Variants in PANX1 observed in about 807,000 individuals in gnomAD.
PANX1 encodes pannexin 1, also known as pannexin-1.
In PANX1, 30 loss-of-function variants were observed where a neutral mutation model predicts 38.7. The observed-to-expected ratio is 0.78, with a 90% confidence interval of 0.58 to 1.05. The LOEUF (loss-of-function observed/expected upper bound fraction) is 1.05, where lower values mean the gene tolerates loss of function less well. Ranked by LOEUF, PANX1 falls within the 50% of genes least tolerant of loss-of-function variation. The pLI, the probability that PANX1 is intolerant of heterozygous loss-of-function variation, is 0.00. For missense variants in PANX1, 551 were observed against 517.2 expected (o/e 1.07, Z -0.63); for synonymous variants, 230 against 212.2 (o/e 1.08, Z -0.73).
intron 2 of PANX1, among the ~76,000 whole-genome samples, chr11:94,155,202 T>C (rs1197652954): frequency 2.0e-5 from 3 of 152,028 alleles, no homozygotes; most frequent in Non-Finnish European, 4.4e-5. Context: ...AATACAAAAA[T>C]TAGCTGGGTG....
At position 94,180,033 on chromosome 11, in the gene PANX1, A is replaced by G. The variant is rs376071442; in HGVS notation, c.977A>G (p.Asn326Ser). 201 of 1,607,042 alleles carry G rather than the reference A, an allele frequency of 1.3e-4. No homozygotes were observed. Among genetic ancestry groups the G allele is most frequent in the Non-Finnish European group, 1.6e-4 (187 of 1,175,108 alleles). ...DVLHFKSEGYNDLSLYNLFLE... is the reference protein window; with the variant it reads ...DVLHFKSEGYSDLSLYNLFLE... ...CTGCATTTCAAATCTGAAGGGTACA[A>G]CGATTTGAGCCTCTACAATCTCTTC... The change falls in exon 4 of 5, where the codon AAC (asparagine) becomes AGC (serine). Residue 326 changes from asparagine to serine, a missense_variant. Transcript: ENST00000227638.
chr11:94,136,986 G>GGCAGGA (rs369778192), intron 1 of PANX1, among the ~76,000 whole-genome samples: 1 of 151,940 alleles, frequency 6.6e-6, no homozygotes, highest in Non-Finnish European at 1.5e-5. Context: ...CGTCTTATAT[G>GGCAGGA]GCAGGAGCAG....
intron 2 of PANX1, among the ~76,000 whole-genome samples, chr11:94,157,838 T>A (rs1050619486): frequency 2.0e-5 from 3 of 152,150 alleles, no homozygotes; most frequent in Admixed American, 1.3e-4. Context: ...CTGAATGGTA[T>A]TGCCTAGGTT....
intron 1 of PANX1, among the ~76,000 whole-genome samples, chr11:94,149,054 C>G (rs1946856263): frequency 6.6e-6 from 1 of 152,288 alleles, no homozygotes; most frequent in South Asian, 2.1e-4. Flanking sequence ...AAGTACACAG[C>G]AAGGGTTAGT....
chr11:94,168,199 G>C (rs561235769), intron 2 of PANX1, among the ~76,000 whole-genome samples: 6 of 152,186 alleles, frequency 3.9e-5, no homozygotes, highest in African/African-American at 1.4e-4. Flanking sequence ...AGGCCCAAAA[G>C]CACAAAAAAA....
intron 2 of PANX1, among the ~76,000 whole-genome samples, chr11:94,160,577 G>C (rs1228941329): frequency 6.6e-6 from 1 of 151,956 alleles, no homozygotes; most frequent in Non-Finnish European, 1.5e-5. Context: ...CCATTTGCTT[G>C]CTAGATCTTC....
In PANX1 at chr11:94,133,038, C is replaced by T. The variant is rs116595307; in HGVS notation, c.181+3545C>T. ...TGGCCTTTTCTCTTAGTAGTTCAGCCCACTGGGCTCCTCTCAGAAAAGAGG... is the reference window on the plus strand; with the variant it reads ...TGGCCTTTTCTCTTAGTAGTTCAGCTCACTGGGCTCCTCTCAGAAAAGAGG... On this transcript the variant is annotated intron_variant, in intron 1 of 4. Coordinates refer to ENST00000227638, the MANE Select transcript of PANX1 (RefSeq NM_015368.4). Among the ~76,000 whole-genome samples, 202 of 152,298 alleles carry T rather than the reference C, an allele frequency of 1.3e-3. 1 individual carries two copies. The highest frequency in any genetic ancestry group is 4.5e-3 in the African/African-American group (188 of 41,566).
At chr11:94,150,556 C>T (rs1237264095) in intron 1 of PANX1, among the ~76,000 whole-genome samples, 2 of 152,150 alleles carry the variant, frequency 1.3e-5, no homozygotes, top group African/African-American at 4.8e-5. Context: ...GGCCCCCTGG[C>T]AGCAGCTGAT....
At chr11:94,147,090 G>A (rs1946836044) in intron 1 of PANX1, among the ~76,000 whole-genome samples, 1 of 151,966 alleles carries the variant, frequency 6.6e-6, no homozygotes, top group Non-Finnish European at 1.5e-5. Context: ...CTAAGTGCTG[G>A]GTATATCAGA....
chr11:94,130,956 C>T (rs1946623071), intron 1 of PANX1, among the ~76,000 whole-genome samples: 1 of 152,238 alleles, frequency 6.6e-6, no homozygotes, highest in African/African-American at 2.4e-5. Flanking sequence ...TTTTCCTGCT[C>T]TTTGCGCAGG....
At chr11:94,169,174 G>A (rs1403574215) in intron 2 of PANX1, among the ~76,000 whole-genome samples, 1 of 151,542 alleles carries the variant, frequency 6.6e-6, no homozygotes, top group Non-Finnish European at 1.5e-5. Context: ...AGTGGATGGT[G>A]TTTCTTAGGG....
chr11:94,148,802 C>T (rs891228560), intron 1 of PANX1, among the ~76,000 whole-genome samples: 6 of 152,124 alleles, frequency 3.9e-5, no homozygotes, highest in African/African-American at 1.4e-4. Flanking sequence ...ATATAATCAT[C>T]ATCATATTCT....
chr11:94,159,019 G>A (rs945507233), intron 2 of PANX1, among the ~76,000 whole-genome samples: 6 of 152,156 alleles, frequency 3.9e-5, no homozygotes, highest in African/African-American at 1.4e-4. Flanking sequence ...TACGGTTTTT[G>A]TCATTGGTTC....
At chr11:94,137,990 T>C (rs1946721148) in intron 1 of PANX1, among the ~76,000 whole-genome samples, 1 of 151,674 alleles carries the variant, frequency 6.6e-6, no homozygotes, top group Non-Finnish European at 1.5e-5. Context: ...TTTCACAAGT[T>C]TTGTAATATA....
intron 4 of PANX1, 54 bp from the exon 5 acceptor site, chr11:94,180,735 TA>T (rs1381405632): frequency 1.3e-4 from 125 of 972,840 alleles, no homozygotes; most frequent in Non-Finnish European, 1.9e-4. Context: ...AATTGATTAG[TA>T]TTGGTAATTC....
intron 2 of PANX1, among the ~76,000 whole-genome samples, chr11:94,170,808 C>CTGTA (rs1290350047): frequency 3.3e-5 from 5 of 151,724 alleles, no homozygotes; most frequent in Admixed American, 2.6e-4. Flanking sequence ...GAATTCTGGA[C>CTGTA]TGTAGCCTGT....
At chr11:94,143,093 C>T (rs1946782636) in intron 1 of PANX1, among the ~76,000 whole-genome samples, 1 of 152,188 alleles carries the variant, frequency 6.6e-6, no homozygotes, top group Admixed American at 6.5e-5. Flanking sequence ...TTCATGTTGC[C>T]AGAGTCACTA....
At chr11:94,179,367 A>C (rs1947275464) in intron 3 of PANX1, among the ~76,000 whole-genome samples, 1 of 152,192 alleles carries the variant, frequency 6.6e-6, no homozygotes, top group Non-Finnish European at 1.5e-5. Context: ...AAATTTCCAA[A>C]TATTAACTCA....
At chr11:94,130,425 G>T (rs1040324115) in intron 1 of PANX1, among the ~76,000 whole-genome samples, 1 of 152,232 alleles carries the variant, frequency 6.6e-6, no homozygotes, top group Admixed American at 6.5e-5. Flanking sequence ...GCCAAGGCAG[G>T]AGGATAAGTC....
Sources: allele counts gnomAD v4.1 joint callset (sites outside exome capture counted in the v4.1 genomes callset), GRCh38; gene constraint gnomAD v4.1.1; transcripts MANE v1.5; gene names NCBI Gene and HGNC (gene_info 2026-07-23, HGNC 2026-07-21).